RANBP10: variants seen among roughly 807,000 people sequenced by gnomAD.
RANBP10 encodes the protein ran-binding protein 10.
Under a neutral mutation model 72.8 loss-of-function variants are expected in RANBP10, and 24 were observed. The ratio of observed to expected loss-of-function variants is 0.33; its 90% CI spans 0.24 to 0.46. The LOEUF (loss-of-function observed/expected upper bound fraction) is 0.46. Ranked by LOEUF, RANBP10 falls within the 20% of genes least tolerant of loss-of-function variation. The pLI is 1.00. For synonymous variants in RANBP10, 310 were observed against 322.3 expected (o/e 0.96, Z 0.41); for missense variants, 679 against 817.5 (o/e 0.83, Z 2.07).
chr16:67,804,872 C>A (rs2055315435), intron 2 of RANBP10, among the ~76,000 whole-genome samples: 1 of 152,102 alleles, frequency 6.6e-6, no homozygotes, highest in Admixed American at 6.6e-5. Flanking sequence ...GTTGATCCAA[C>A]TAGTAGTGTT....
chr16:67,774,071 C>T (rs1426161204), intron 2 of RANBP10, among the ~76,000 whole-genome samples: 2 of 152,238 alleles, frequency 1.3e-5, no homozygotes, highest in Non-Finnish European at 2.9e-5. Flanking sequence ...AAAAGTCAGT[C>T]TCCATTCCTT....
At chr16:67,740,233 G>T (rs1450229275) in intron 4 of RANBP10, among the ~76,000 whole-genome samples, 1 of 151,816 alleles carries the variant, frequency 6.6e-6, no homozygotes. Flanking sequence ...CTCCCAAGTA[G>T]CTGGGACTAC....
intron 4 of RANBP10, among the ~76,000 whole-genome samples, chr16:67,743,426 T>C (rs764338594): frequency 2.6e-5 from 4 of 152,104 alleles, no homozygotes; most frequent in Non-Finnish European, 5.9e-5. Context: ...TCAGGGCCAA[T>C]GTGGCCAAAT....
intron 2 of RANBP10, among the ~76,000 whole-genome samples, chr16:67,797,573 G>C (rs979012849): frequency 9.2e-5 from 14 of 152,350 alleles, no homozygotes; most frequent in African/African-American, 3.4e-4. Context: ...ACTTTGGGAG[G>C]CTGAGGTGGG....
At chr16:67,802,196 T>C (rs956429035) in intron 2 of RANBP10, among the ~76,000 whole-genome samples, 1 of 152,082 alleles carries the variant, frequency 6.6e-6, no homozygotes, top group Non-Finnish European at 1.5e-5. Context: ...ACCTGGCCCA[T>C]ACTAACATGT....
At chr16:67,767,071 T>C (rs372893110) in intron 3 of RANBP10, among the ~76,000 whole-genome samples, 13 of 151,992 alleles carry the variant, frequency 8.6e-5, no homozygotes, top group East Asian at 3.9e-4. Context: ...ATGAGGAAAA[T>C]AGATTTTCCT....
chr16:67,727,066 G>A (rs937022113), intron 13 of RANBP10, among the ~76,000 whole-genome samples: 8 of 152,206 alleles, frequency 5.3e-5, no homozygotes, highest in Non-Finnish European at 5.9e-5. Context: ...AGGCTAAGGC[G>A]GGCAGATCAC....
intron 2 of RANBP10, among the ~76,000 whole-genome samples, chr16:67,804,574 G>T (rs2055298151): frequency 6.6e-6 from 1 of 151,932 alleles, no homozygotes; most frequent in Non-Finnish European, 1.5e-5. Flanking sequence ...GCTAATTTTT[G>T]AATTTTTTTT....
rs758931777 is a variant in RANBP10, at chr16:67,727,731, A to G, written c.1620+20T>C. ...CACCAAATGGGGCCTGCTCTGCATG[A>G]GGCCCGGCTCATCCTGTACCTGCAG... On this transcript the variant is annotated intron_variant, in intron 12 of 13. Transcript: ENST00000317506. The G allele has an allele frequency of 3.7e-6, 6 of 1,613,900 alleles. No individual in the cohort carries two copies. Among genetic ancestry groups the G allele is most frequent in the Admixed American group, 1.7e-5 (1 of 59,994 alleles).
At chr16:67,784,517 G>A (rs76690982) in intron 2 of RANBP10, among the ~76,000 whole-genome samples, 4 of 152,178 alleles carry the variant, frequency 2.6e-5, no homozygotes, top group Admixed American at 6.5e-5. Context: ...TTAGCCGGGC[G>A]TGGTGGCCCA....
intron 2 of RANBP10, among the ~76,000 whole-genome samples, chr16:67,793,052 C>T (rs1478653997): frequency 6.6e-6 from 1 of 152,074 alleles, no homozygotes; most frequent in Non-Finnish European, 1.5e-5. Context: ...CAGAGCCTGC[C>T]ACATTCAAAA....
At chr16:67,804,343 A>G (rs1025443288) in intron 2 of RANBP10, among the ~76,000 whole-genome samples, 1 of 152,004 alleles carries the variant, frequency 6.6e-6, no homozygotes, top group African/African-American at 2.4e-5. Context: ...TATCTCCCCT[A>G]TGATTTCCTG....
At chr16:67,742,566 T>C (rs889582489) in intron 4 of RANBP10, among the ~76,000 whole-genome samples, 1 of 152,152 alleles carries the variant, frequency 6.6e-6, no homozygotes, top group African/African-American at 2.4e-5. Flanking sequence ...AAAGTGGCCA[T>C]CTGCTCTCTA....
intron 2 of RANBP10, among the ~76,000 whole-genome samples, chr16:67,782,957 T>C (rs1314286056): frequency 6.6e-6 from 1 of 151,978 alleles, no homozygotes; most frequent in Non-Finnish European, 1.5e-5. Flanking sequence ...AGACTCTCTC[T>C]GGATCACCCC....
At chr16:67,755,638 C>T (rs1191980566) in intron 3 of RANBP10, among the ~76,000 whole-genome samples, 1 of 148,114 alleles carries the variant, frequency 6.8e-6, no homozygotes, top group Non-Finnish European at 1.5e-5. Context: ...GAGCTAAGAT[C>T]GCGCCACTGC....
intron 2 of RANBP10, among the ~76,000 whole-genome samples, chr16:67,776,672 C>T (rs193087001): frequency 1.4e-5 from 2 of 147,472 alleles, no homozygotes; most frequent in African/African-American, 2.5e-5. Flanking sequence ...ACTTGGGAGG[C>T]CAAGGCAGGA....
chr16:67,761,491 A>G (rs118029415), intron 3 of RANBP10, among the ~76,000 whole-genome samples: 2,831 of 152,378 alleles, frequency 0.019, 37 homozygotes, highest in Non-Finnish European at 0.03. Flanking sequence ...ATTCAAACAC[A>G]GAAGACCAAG....
At position 67,729,142 on chromosome 16, in the gene RANBP10, G is replaced by A. The variant is rs1213986711; in HGVS notation, c.1352+138C>T. 1 of 1,467,790 alleles carries A rather than the reference G, an allele frequency of 6.8e-7. No individual in the cohort carries two copies. Among genetic ancestry groups the A allele is most frequent in the Non-Finnish European group, 9.1e-7 (1 of 1,094,878 alleles). The allele number at this position is 1,467,790 out of a possible 1,614,324, so 90.9% of individuals were successfully genotyped here. ...AGCCAGAGCTGATGTCTGGCCCGGT[G>A]GGCCAAAAATTAGGACTCCAGGCAC... is the stretch of plus-strand genomic sequence containing the variant. On this transcript the variant is annotated intron_variant, in intron 10 of 13. Coordinates refer to ENST00000317506, the MANE Select transcript of RANBP10 (RefSeq NM_020850.3). The surrounding 1 kb of genome is among the most constrained non-coding windows in gnomAD (Gnocchi z 7.1).
chr16:67,786,763 C>T lies in RANBP10; in HGVS notation c.348-14677G>A, dbSNP rs539962711. 2.0e-5 allele frequency among the ~76,000 whole-genome samples: 3 copies of T among 151,308 alleles called. No homozygotes were observed. The South Asian group carries it at 6.3e-4, about 32-fold the overall frequency. On this transcript the variant is annotated intron_variant, in intron 2 of 13. Transcript: ENST00000317506. The stretch of plus-strand genomic sequence containing the variant: ...GCCAACTTGGTGAAACCTGTCTCTA[C>T]TAAAAATACAAAAATCAGCCAGGCG...
Sources: gnomAD v4.1 joint callset for allele counts (sites outside exome capture counted in the v4.1 genomes callset) on GRCh38, gnomAD v4.1.1 for gene constraint, Gnocchi (gnomAD v3.1) non-coding constraint, MANE v1.5 for transcripts, NCBI Gene and HGNC (gene_info 2026-07-23, HGNC 2026-07-21) for gene names.